Variants in ATXN7L1 observed in about 807,000 individuals in gnomAD.
The protein encoded by ATXN7L1 is ataxin-7-like protein 1.
A neutral mutation model predicts 70.8 loss-of-function variants in ATXN7L1; 15 were observed. The observed-to-expected ratio is 0.21, with a 90% confidence interval of 0.14 to 0.33. The LOEUF (loss-of-function observed/expected upper bound fraction) is 0.33. Among genes scored for constraint, ATXN7L1 ranks in the 10% least tolerant of loss-of-function variants. The pLI is 1.00. For synonymous variants in ATXN7L1, 440 were observed against 445.1 expected (o/e 0.99, Z 0.14); for missense variants, 975 against 1,097.1 (o/e 0.89, Z 1.57).
intron 3 of ATXN7L1, among the ~76,000 whole-genome samples, chr7:105,723,343 T>A (rs1481396675): frequency 6.6e-6 from 1 of 152,210 alleles, no homozygotes; most frequent in Non-Finnish European, 1.5e-5. Context: ...AATATGTGAA[T>A]ACATATCAAG....
At chr7:105,662,875 T>C (rs1349817109) in intron 4 of ATXN7L1, among the ~76,000 whole-genome samples, 1 of 152,214 alleles carries the variant, frequency 6.6e-6, no homozygotes, top group Non-Finnish European at 1.5e-5. Context: ...CTAAATTATT[T>C]ATTGAACATA....
At position 105,671,104 on chromosome 7, in the gene ATXN7L1, C is replaced by CAAAAAAAAAAAA. The variant is rs71155469; in HGVS notation, c.356-5828_356-5817dup. On this transcript the variant is annotated intron_variant, in intron 3 of 11. Transcript: ENST00000419735. ...CCTGGGCGACAGCGAGACTACGTCT[C>CAAAAAAAAAAAA]AAAAAAAAAAAAAAAAAAAAAAAAA... Among the ~76,000 whole-genome samples the CAAAAAAAAAAAA allele has an allele frequency of 7.0e-4, 63 of 89,688 alleles. 1 individual carries two copies. Among genetic ancestry groups the CAAAAAAAAAAAA allele is most frequent in the East Asian group, 3.4e-3 (4 of 1,182 alleles). The allele number at this position is 89,688 out of a possible 152,430, so 58.8% of individuals were successfully genotyped here.
intron 3 of ATXN7L1, chr7:105,761,450 G>A: frequency 6.2e-7 from 1 of 1,614,080 alleles, no homozygotes; most frequent in Non-Finnish European, 8.5e-7. Flanking sequence ...TTCTCCTGTT[G>A]TCTTGCTTTC....
intron 2 of ATXN7L1, among the ~76,000 whole-genome samples, chr7:105,862,066 A>G (rs1816719291): frequency 1.3e-5 from 2 of 152,190 alleles, no homozygotes; most frequent in South Asian, 4.1e-4. Flanking sequence ...AAGGGAACAG[A>G]AGCCTGGAGT....
At chr7:105,694,201 C>T (rs189656826) in intron 3 of ATXN7L1, among the ~76,000 whole-genome samples, 51 of 152,318 alleles carry the variant, frequency 3.3e-4, no homozygotes, top group African/African-American at 1.1e-3. Context: ...GCACATGCCA[C>T]TGCACCTGGC....
chr7:105,722,027 C>T (rs1024780062), intron 3 of ATXN7L1, among the ~76,000 whole-genome samples: 7 of 152,226 alleles, frequency 4.6e-5, no homozygotes, highest in African/African-American at 1.4e-4. Flanking sequence ...TATGCGCACA[C>T]ATAGGTTAAC....
At chr7:105,828,237 G>A (rs1171426275) in intron 2 of ATXN7L1, among the ~76,000 whole-genome samples, 1 of 152,116 alleles carries the variant, frequency 6.6e-6, no homozygotes, top group Non-Finnish European at 1.5e-5. Flanking sequence ...GGTTTAGAGG[G>A]CATAAATTAC....
rs186180104 is a variant in ATXN7L1, at chr7:105,604,837, T to C, written c.*3015A>G. Among the ~76,000 whole-genome samples, 540 of 151,952 alleles carry C rather than the reference T, an allele frequency of 3.6e-3. 1 individual carries two copies. The highest frequency in any genetic ancestry group is 4.7e-3 in the Non-Finnish European group (321 of 67,980). ...GACCAGCTACGTAAAACCCACAGAG[T>C]TTTGTTAAAGTGCCATGGGCCGACA... On this transcript the variant is annotated 3_prime_UTR_variant, in exon 12 of 12. Transcript: ENST00000419735.
chr7:105,761,037 T>G (rs1800465260), intron 3 of ATXN7L1: 17 of 478,452 alleles, frequency 3.6e-5, no homozygotes, highest in Non-Finnish European at 4.5e-5. Context: ...TGATTTTGAT[T>G]CTGACTTCTG....
rs963726987 is a variant in ATXN7L1 at position 105,664,509 on chromosome 7, A to AAT, written c.578+555_578+556dup. Among the ~76,000 whole-genome samples the AAT allele has an allele frequency of 4.4e-3, 627 of 143,918 alleles. 2 individuals carry two copies. Among genetic ancestry groups the AAT allele is most frequent in the African/African-American group, 0.013 (490 of 39,038 alleles). The allele number at this position is 143,918 out of a possible 152,430, so 94.4% of individuals were successfully genotyped here. On this transcript the variant is annotated intron_variant, in intron 4 of 11. Coordinates refer to ENST00000419735, the MANE Select transcript of ATXN7L1 (RefSeq NM_020725.2). Reference sequence around the variant, plus strand: ...ATACATATATGTATAATATATGTATAATATATATATACATATGTATAATAT... The same window carrying AAT: ...ATACATATATGTATAATATATGTATAATATATATATATACATATGTATAATAT...
At chr7:105,627,926 C>T (rs193243457) in intron 7 of ATXN7L1, among the ~76,000 whole-genome samples, 107 of 136,794 alleles carry the variant, frequency 7.8e-4, no homozygotes, top group African/African-American at 2.7e-3. Context: ...CTCACTGCAA[C>T]GTCTGCCACC....
chr7:105,788,813 CA>C, intron 2 of ATXN7L1, 105 bp from the exon 3 acceptor site: 1 of 900,700 alleles, frequency 1.1e-6, no homozygotes. Flanking sequence ...TCAAACACAA[CA>C]CGCAGAAAGG....
chr7:105,725,103 A>T (rs1440185997), intron 3 of ATXN7L1, among the ~76,000 whole-genome samples: 1 of 152,182 alleles, frequency 6.6e-6, no homozygotes, highest in Admixed American at 6.5e-5. Flanking sequence ...TCACATCCAC[A>T]GGTAGGGAGT....
At chr7:105,761,425 T>C (rs1318079733) in intron 3 of ATXN7L1, 1 of 1,614,184 alleles carries the variant, frequency 6.2e-7, no homozygotes, top group East Asian at 2.2e-5. Flanking sequence ...GGTCCACTCC[T>C]GGAGATGCCT....
At chr7:105,624,671 C>T (rs1227723185) in intron 7 of ATXN7L1, among the ~76,000 whole-genome samples, 1 of 134,860 alleles carries the variant, frequency 7.4e-6, no homozygotes, top group African/African-American at 2.7e-5. Flanking sequence ...AAAAAACAGC[C>T]TGATTAGCCT....
intron 2 of ATXN7L1, among the ~76,000 whole-genome samples, chr7:105,820,609 T>C (rs920798334): frequency 1.3e-5 from 2 of 152,234 alleles, no homozygotes; most frequent in East Asian, 1.9e-4. Flanking sequence ...TGGGTTTTTT[T>C]AAATTGCAAA....
chr7:105,761,353 T>A (rs546960669), intron 3 of ATXN7L1: 1 of 1,613,724 alleles, frequency 6.2e-7, no homozygotes, highest in Non-Finnish European at 8.5e-7. Context: ...TCAGAAGTTG[T>A]ACGTCTCTTC....
intron 9 of ATXN7L1, among the ~76,000 whole-genome samples, chr7:105,617,487 T>G (rs1054532240): frequency 6.6e-6 from 1 of 152,166 alleles, no homozygotes; most frequent in Non-Finnish European, 1.5e-5. Flanking sequence ...TTTCTATCCT[T>G]TTCTTGCCTC....
At chr7:105,833,374 G>A (rs1028430987) in intron 2 of ATXN7L1, among the ~76,000 whole-genome samples, 1 of 152,034 alleles carries the variant, frequency 6.6e-6, no homozygotes, top group Non-Finnish European at 1.5e-5. Flanking sequence ...TTAACCCCTG[G>A]AGCCCCTGTA....
Sources: allele counts gnomAD v4.1 joint callset (sites outside exome capture counted in the v4.1 genomes callset), GRCh38; gene constraint gnomAD v4.1.1; transcripts MANE v1.5; gene names NCBI Gene and HGNC (gene_info 2026-07-23, HGNC 2026-07-21).